TPD52L1: variants seen among roughly 807,000 people sequenced by gnomAD.
TPD52L1 encodes tumor protein D53.
TPD52L1 carries 18 observed loss-of-function variants against 28.7 expected under a neutral mutation model. The observed-to-expected ratio is 0.63, with a 90% CI of 0.43 to 0.93. The LOEUF is 0.93. TPD52L1 is among the 40% of genes least tolerant of loss of function. The probability of loss-of-function intolerance (pLI) is 0.00; values close to 1 mark genes in which losing one functional copy is unlikely to be tolerated. For missense variants in TPD52L1, 203 were observed against 254.8 expected, an observed-to-expected ratio of 0.80 and a Z score of 1.39; for synonymous variants, 75 against 88.8, an observed-to-expected ratio of 0.84 and a Z score of 0.88.
chr6:125,198,153 A>G (rs1793566327), intron 1 of TPD52L1, among the ~76,000 whole-genome samples: 1 of 152,118 alleles, frequency 6.6e-6, no homozygotes, highest in Admixed American at 6.5e-5. Flanking sequence ...AGCTCTGTCT[A>G]CCTTCAGGGA....
intron 1 of TPD52L1, among the ~76,000 whole-genome samples, chr6:125,174,212 T>A (rs1791685208): frequency 6.6e-6 from 1 of 152,182 alleles, no homozygotes; most frequent in Non-Finnish European, 1.5e-5. Flanking sequence ...AATATGCATT[T>A]AATATCCCCT....
At chr6:125,201,286 C>A (rs1411273049) in intron 1 of TPD52L1, among the ~76,000 whole-genome samples, 2 of 152,168 alleles carry the variant, frequency 1.3e-5, no homozygotes, top group Non-Finnish European at 2.9e-5. Flanking sequence ...TGACTCAGAT[C>A]ACAGTCACAT....
At chr6:125,231,500 A>T (rs967294195) in intron 3 of TPD52L1, among the ~76,000 whole-genome samples, 4 of 152,214 alleles carry the variant, frequency 2.6e-5, no homozygotes, top group African/African-American at 7.2e-5. Context: ...AATAGGTTTT[A>T]TAGCCAGGTA....
In TPD52L1 at chr6:125,235,372, A is replaced by G. The variant is rs138244112; in HGVS notation, c.284+6106A>G. Among the ~76,000 whole-genome samples, 338 of 152,190 alleles carry G rather than the reference A, an allele frequency of 2.2e-3. 1 individual carries two copies. Among genetic ancestry groups the G allele is most frequent in the African/African-American group, 8.0e-3 (331 of 41,524 alleles). On this transcript the variant is annotated intron_variant, in intron 3 of 6. Coordinates refer to ENST00000534000, the MANE Select transcript of TPD52L1 (RefSeq NM_003287.4). Reference sequence around the variant, plus strand: ...TGGAAGGAGAATTGTCTTGGGCCACACATAAAATACGCTAAGGATAGCTGA... The same window carrying G: ...TGGAAGGAGAATTGTCTTGGGCCACGCATAAAATACGCTAAGGATAGCTGA...
chr6:125,238,944 TGTAA>T (rs1796450239), intron 3 of TPD52L1, among the ~76,000 whole-genome samples: 1 of 152,224 alleles, frequency 6.6e-6, no homozygotes, highest in African/African-American at 2.4e-5. Context: ...AATATGCATG[TGTAA>T]GTGTCTTTTT....
In TPD52L1 at chr6:125,248,340, A is replaced by G. The variant is rs769594191; in HGVS notation, c.343A>G (p.Ser115Gly). 3 of 1,614,210 alleles carry G rather than the reference A, an allele frequency of 1.9e-6. No individual in the cohort carries two copies. In the Admixed American group the frequency reaches 5.0e-5, roughly 27 times the overall value. The stretch of plus-strand genomic sequence containing the variant: ...AGGGCAAAAGGCAACTGCAGCTTTC[A>G]GCAACGTTGGAACGGCCATCAGCAA... The part of the protein sequence containing the change: ...HAGQKATAAF[S>G]NVGTAISKKF... Residue 115 changes from serine to glycine, a missense_variant, in exon 4 of 7, where the codon AGC becomes GGC. Transcript: ENST00000534000.
At chr6:125,187,797 G>C (rs1792741045) in intron 1 of TPD52L1, among the ~76,000 whole-genome samples, 1 of 152,140 alleles carries the variant, frequency 6.6e-6, no homozygotes, top group Non-Finnish European at 1.5e-5. Flanking sequence ...CACACACATT[G>C]CCAAAGAATA....
chr6:125,215,061 A>C (rs1794772484), intron 1 of TPD52L1, among the ~76,000 whole-genome samples: 1 of 152,146 alleles, frequency 6.6e-6, no homozygotes, highest in Admixed American at 6.5e-5. Flanking sequence ...TTCATAATAT[A>C]CTGGTACTTG....
chr6:125,158,386 C>T (rs916921332), intron 1 of TPD52L1, among the ~76,000 whole-genome samples: 8 of 143,984 alleles, frequency 5.6e-5, no homozygotes, highest in African/African-American at 1.9e-4. Flanking sequence ...TTTATACTTA[C>T]ATTATAAGTA....
chr6:125,165,751 C>G (rs1790855611), intron 1 of TPD52L1, among the ~76,000 whole-genome samples: 1 of 152,122 alleles, frequency 6.6e-6, no homozygotes, highest in Non-Finnish European at 1.5e-5. Context: ...GCAAGAGCGT[C>G]TTGTCAAGGA....
At chr6:125,211,234 C>T (rs1324947189) in intron 1 of TPD52L1, among the ~76,000 whole-genome samples, 2 of 151,034 alleles carry the variant, frequency 1.3e-5, no homozygotes, top group African/African-American at 4.9e-5. Context: ...CAAAATACTG[C>T]GATTTCATTT....
At chr6:125,252,163 TC>T in intron 4 of TPD52L1, 1 of 1,098,918 alleles carries the variant, frequency 9.1e-7, no homozygotes, top group East Asian at 2.6e-5. Flanking sequence ...TCCAGACAGT[TC>T]CCGTGACCAG....
chr6:125,178,658 A>AATAT lies in TPD52L1; in HGVS notation c.19+24703_19+24706dup, dbSNP rs766185303. Among the ~76,000 whole-genome samples, 50 of 148,058 alleles carry AATAT rather than the reference A, an allele frequency of 3.4e-4. No homozygotes were observed. In the East Asian group the frequency reaches 5.0e-3, roughly 15 times the overall value. On this transcript the variant is annotated intron_variant, in intron 1 of 6. Coordinates refer to ENST00000534000, the MANE Select transcript of TPD52L1 (RefSeq NM_003287.4). ...AACAAAACAAAACAAAACAAAACAA[A>AATAT]ATATATATATATATATATTTGGGTA...
chr6:125,235,468 G>A (rs1367755237), intron 3 of TPD52L1, among the ~76,000 whole-genome samples: 11 of 152,162 alleles, frequency 7.2e-5, no homozygotes, highest in Admixed American at 5.2e-4. Context: ...AAGTTTATGA[G>A]TTTGTGTTGG....
At chr6:125,172,204 T>C (rs1267838613) in intron 1 of TPD52L1, among the ~76,000 whole-genome samples, 25 of 130,726 alleles carry the variant, frequency 1.9e-4, no homozygotes, top group Non-Finnish European at 3.8e-4. Flanking sequence ...TTTCTTTCTT[T>C]CTTCTTTCTT....
intron 6 of TPD52L1, among the ~76,000 whole-genome samples, chr6:125,257,687 A>G (rs995555868): frequency 6.6e-6 from 1 of 152,210 alleles, no homozygotes; most frequent in Non-Finnish European, 1.5e-5. Flanking sequence ...TTTTATAATA[A>G]CACAGTAATG....
chr6:125,202,766 C>T (rs202121883), intron 1 of TPD52L1, among the ~76,000 whole-genome samples: 25 of 116,412 alleles, frequency 2.1e-4, no homozygotes, highest in African/African-American at 4.0e-4. Context: ...GGAGGTTTAT[C>T]TTTTTTTTTT....
chr6:125,154,598 G>T (rs962991738), intron 1 of TPD52L1: 2 of 935,110 alleles, frequency 2.1e-6, no homozygotes, highest in South Asian at 9.9e-5. Context: ...GCCCCCGGCC[G>T]CCCAGCTCCC....
chr6:125,213,702 G>A (rs1419787542), intron 1 of TPD52L1, among the ~76,000 whole-genome samples: 4 of 152,092 alleles, frequency 2.6e-5, no homozygotes, highest in Admixed American at 6.5e-5. Flanking sequence ...AATTAAACAC[G>A]AGGGGCCTCT....
Sources: gnomAD v4.1 joint callset for allele counts (sites outside exome capture counted in the v4.1 genomes callset) on GRCh38, gnomAD v4.1.1 for gene constraint, MANE v1.5 for transcripts, NCBI Gene and HGNC (gene_info 2026-07-23, HGNC 2026-07-21) for gene names.